Variants in GPC3 observed in about 807,000 individuals in gnomAD.
GPC3 encodes the protein glypican-3.
A neutral mutation model predicts 34.4 loss-of-function variants in GPC3; 3 were observed. The observed-to-expected ratio is 0.09, with a 90% CI of 0.04 to 0.23. The LOEUF is 0.23. GPC3 is among the 10% of genes least tolerant of loss of function. The pLI is 1.00. For synonymous variants in GPC3, 177 were observed against 174.0 expected (o/e 1.02, Z -0.13); for missense variants, 351 against 445.6 (o/e 0.79, Z 1.91).
chrX:133,965,528 C>T (rs1473014201), intron 1 of GPC3, among the ~76,000 whole-genome samples: 1 of 111,197 alleles, frequency 9.0e-6, no homozygotes, highest in African/African-American at 3.3e-5. Flanking sequence ...CACCAGAAGC[C>T]GGAAGAGGCG....
At chrX:133,558,480 C>T (rs1161159690) in intron 7 of GPC3, among the ~76,000 whole-genome samples, 5 of 111,005 alleles carry the variant, frequency 4.5e-5, no homozygotes. Context: ...TCTCTTCTAA[C>T]CCTTACGATT....
intron 2 of GPC3, among the ~76,000 whole-genome samples, chrX:133,915,048 T>C (rs1435996285): frequency 2.9e-5 from 3 of 104,471 alleles, no homozygotes; most frequent in African/African-American, 1.0e-4. Flanking sequence ...AAAGATCATT[T>C]TTTCTTACCA....
At chrX:133,658,634 G>GA (rs763255040) in intron 6 of GPC3, among the ~76,000 whole-genome samples, 2 of 111,181 alleles carry the variant, frequency 1.8e-5, no homozygotes, top group Admixed American at 1.9e-4. Context: ...ACACAGATGA[G>GA]AAAAAAAATC....
At chrX:133,778,873 G>A (rs1733275309) in intron 2 of GPC3, among the ~76,000 whole-genome samples, 1 of 111,834 alleles carries the variant, frequency 8.9e-6, no homozygotes, top group South Asian at 3.7e-4. Context: ...TTAGATTATC[G>A]CACAACACTT....
chrX:133,720,442 A>C (rs1283727270), intron 3 of GPC3, among the ~76,000 whole-genome samples: 1 of 111,705 alleles, frequency 9.0e-6, no homozygotes, highest in Non-Finnish European at 1.9e-5. Flanking sequence ...GGTTTTATAA[A>C]GAGGAGTTCC....
intron 6 of GPC3, among the ~76,000 whole-genome samples, chrX:133,614,649 C>A (rs1358475106): frequency 9.0e-6 from 1 of 111,077 alleles, no homozygotes; most frequent in African/African-American, 3.3e-5. Flanking sequence ...AGACAGTAAC[C>A]CACACTGTAG....
intron 2 of GPC3, among the ~76,000 whole-genome samples, chrX:133,840,618 T>TTCATCACCATCATCATCACCA (rs2075819838): frequency 9.0e-6 from 1 of 110,560 alleles, no homozygotes; most frequent in Admixed American, 9.6e-5. Context: ...CATCATCATC[T>TTCATCACCATCATCATCACCA]TCATCACCAT....
chrX:133,711,426 C>T (rs2071266192), intron 3 of GPC3, among the ~76,000 whole-genome samples: 1 of 111,436 alleles, frequency 9.0e-6, no homozygotes, highest in African/African-American at 3.3e-5. Context: ...CATTTTGGGG[C>T]CAGACTTAGA....
At chrX:133,868,314 C>T (rs952422603) in intron 2 of GPC3, among the ~76,000 whole-genome samples, 1 of 112,194 alleles carries the variant, frequency 8.9e-6, no homozygotes, top group Non-Finnish European at 1.9e-5. Flanking sequence ...AGTGGTGAGC[C>T]AAACCACTGT....
rs143369388 is a variant in GPC3 at position 133,750,220 on chromosome X, C to T, written c.1032+3262G>A. Among the ~76,000 whole-genome samples, 72 of 112,055 alleles carry T rather than the reference C, an allele frequency of 6.4e-4. No individual in the cohort carries two copies. In the East Asian group the frequency reaches 0.012, roughly 19 times the overall value. On this transcript the variant is annotated intron_variant, in intron 3 of 7. Coordinates refer to ENST00000370818, the MANE Select transcript of GPC3 (RefSeq NM_004484.4). ...ATGATAATGACATGAAATGCACTCC[C>T]CCTGCACGCATGTGCATGCACCTAA...
At chrX:133,870,391 G>A (rs1206777050) in intron 2 of GPC3, among the ~76,000 whole-genome samples, 2 of 111,342 alleles carry the variant, frequency 1.8e-5, no homozygotes, top group Non-Finnish European at 3.8e-5. Context: ...AGAAAGTAAC[G>A]TAATTTTGCC....
At chrX:133,740,525 A>AT (rs898191692) in intron 3 of GPC3, among the ~76,000 whole-genome samples, 2 of 112,403 alleles carry the variant, frequency 1.8e-5, no homozygotes, top group African/African-American at 6.5e-5. Context: ...AGGGTTCACA[A>AT]TTTTTTAAAA....
At chrX:133,576,713 GGTTATT>G (rs1876465773) in intron 7 of GPC3, among the ~76,000 whole-genome samples, 1 of 110,698 alleles carries the variant, frequency 9.0e-6, no homozygotes, top group Non-Finnish European at 1.9e-5. Context: ...TCTGCTAGTT[GGTTATT>G]GTTATTGTTA....
At position 133,877,902 on chromosome X, in the gene GPC3, C is replaced by T. The variant is rs137889320; in HGVS notation, c.337+75148G>A. Among the ~76,000 whole-genome samples the T allele has an allele frequency of 7.3e-3, 813 of 110,920 alleles. 5 individuals carry two copies. Among genetic ancestry groups the T allele is most frequent in the Middle Eastern group, 0.014 (3 of 214 alleles). On this transcript the variant is annotated intron_variant, in intron 2 of 7. Coordinates refer to ENST00000370818, the MANE Select transcript of GPC3 (RefSeq NM_004484.4). Reference sequence around the variant, plus strand: ...CAGAAAAAAAGACTGGAGAGAAATACACCAACATATTAACCATTGAACCAC... The same window carrying T: ...CAGAAAAAAAGACTGGAGAGAAATATACCAACATATTAACCATTGAACCAC...
intron 3 of GPC3, among the ~76,000 whole-genome samples, chrX:133,743,941 C>T (rs1027401180): frequency 4.5e-5 from 5 of 111,457 alleles, no homozygotes; most frequent in Admixed American, 1.9e-4. Flanking sequence ...AAATGGTGTT[C>T]GGAAAACTGG....
At chrX:133,729,430 G>A (rs1201097955) in intron 3 of GPC3, among the ~76,000 whole-genome samples, 1 of 111,391 alleles carries the variant, frequency 9.0e-6, no homozygotes, top group Non-Finnish European at 1.9e-5. Context: ...TCTAGGACAA[G>A]TTCCCTGTCC....
chrX:133,725,982 T>C (rs1170770317), intron 3 of GPC3, among the ~76,000 whole-genome samples: 2 of 111,919 alleles, frequency 1.8e-5, no homozygotes, highest in East Asian at 2.8e-4. Flanking sequence ...TGAAATCACA[T>C]ATATCTAGAT....
intron 3 of GPC3, among the ~76,000 whole-genome samples, chrX:133,710,699 G>A (rs2071258683): frequency 8.9e-6 from 1 of 112,093 alleles, no homozygotes; most frequent in Non-Finnish European, 1.9e-5. Flanking sequence ...GACTTTGGCT[G>A]TTTACCCTGT....
intron 2 of GPC3, among the ~76,000 whole-genome samples, chrX:133,793,932 T>C (rs1027116641): frequency 9.0e-6 from 1 of 111,694 alleles, no homozygotes; most frequent in Admixed American, 9.5e-5. Context: ...CATTTTCAGT[T>C]GGGCCCCCTG....
Sources: allele counts gnomAD v4.1 joint callset (sites outside exome capture counted in the v4.1 genomes callset), GRCh38; gene constraint gnomAD v4.1.1; transcripts MANE v1.5; gene names NCBI Gene and HGNC (gene_info 2026-07-23, HGNC 2026-07-21).